The following OR7E24 variants were observed in gnomAD, a reference collection of about 807,000 sequenced individuals.
OR7E24 encodes the protein olfactory receptor 7E24.
For missense variants in OR7E24, 385 were observed against 410.3 expected, an observed-to-expected ratio of 0.94 and a Z score of 0.53; for synonymous variants, 130 against 157.5, an observed-to-expected ratio of 0.83 and a Z score of 1.31.
chr19:9,220,189 GAACACTTA>G, the OR7E24 span, among the ~76,000 whole-genome samples: 1 of 151,984 alleles, frequency 6.6e-6, no homozygotes, highest in Admixed American at 6.6e-5. Flanking sequence ...ATCCTGGTGA[GAACACTTA>G]ATATCCACTC....
chr19:9,246,060 C>CTT (rs58590446), upstream of OR7E24, among the ~76,000 whole-genome samples: 2 of 38,942 alleles, frequency 5.1e-5, no homozygotes, highest in African/African-American at 2.3e-4. Context: ...TATCAATGTG[C>CTT]TTTTTTTTTT....
At chr19:9,247,323 A>G (rs1287411340), upstream of OR7E24, 14 of 395,848 alleles carry the variant, frequency 3.5e-5, no homozygotes, top group East Asian at 4.3e-4. Context: ...TACTCAGCCT[A>G]TGCCTCCAGC....
At chr19:9,206,622 T>C in the OR7E24 span, 1 of 152,194 alleles carries the variant, frequency 6.6e-6, no homozygotes, top group African/African-American at 2.4e-5. Context: ...TCAAGTAAAA[T>C]TGTTTTGTTC....
the OR7E24 span, chr19:9,210,486 G>A: frequency 6.6e-6 from 1 of 152,332 alleles, no homozygotes; most frequent in Non-Finnish European, 1.5e-5. Flanking sequence ...TGGTGGCGCA[G>A]GAGGATTACT....
chr19:9,238,370 T>G, the OR7E24 span, among the ~76,000 whole-genome samples: 1 of 152,180 alleles, frequency 6.6e-6, no homozygotes, highest in South Asian at 2.1e-4. Context: ...TTGAGCATCT[T>G]TCCACATGCT....
the OR7E24 span, chr19:9,235,185 CT>C: frequency 7.0e-7 from 1 of 1,435,096 alleles, no homozygotes; most frequent in Non-Finnish European, 9.7e-7. Context: ...AATTCCTCCT[CT>C]TAGGACTCTC....
chr19:9,249,390 C>T (rs1170971988), upstream of OR7E24, among the ~76,000 whole-genome samples: 1 of 152,176 alleles, frequency 6.6e-6, no homozygotes, highest in Non-Finnish European at 1.5e-5. Flanking sequence ...TCACTGCTTT[C>T]CTATCTGTAC....
At chr19:9,229,567 GAAATT>G in the OR7E24 span, among the ~76,000 whole-genome samples, 1 of 151,672 alleles carries the variant, frequency 6.6e-6, no homozygotes, top group East Asian at 1.9e-4. Context: ...AAGAAAAAAA[GAAATT>G]AAACTTTCCT....
the OR7E24 span, among the ~76,000 whole-genome samples, chr19:9,220,878 C>T: frequency 8.5e-5 from 13 of 152,172 alleles, no homozygotes; most frequent in Admixed American, 4.6e-4. Flanking sequence ...CACTTACTAT[C>T]TTTTGTCTTT....
chr19:9,225,497 T>TA, the OR7E24 span, among the ~76,000 whole-genome samples: 6 of 147,586 alleles, frequency 4.1e-5, no homozygotes, highest in Admixed American at 6.8e-5. Context: ...AAGGAAGGAA[T>TA]AAAAAAACAA....
At chr19:9,241,715 G>C in the OR7E24 span, among the ~76,000 whole-genome samples, 2 of 152,206 alleles carry the variant, frequency 1.3e-5, no homozygotes, top group African/African-American at 4.8e-5. Context: ...AGTGAGCTGA[G>C]ATTGCGCCAT....
At chr19:9,214,381 A>C in the OR7E24 span, 1 of 1,614,174 alleles carries the variant, frequency 6.2e-7, no homozygotes, top group African/African-American at 1.3e-5. Context: ...GAGAACCAGA[A>C]AATGATGAAC....
chr19:9,218,957 A>AG, the OR7E24 span, among the ~76,000 whole-genome samples: 2 of 151,954 alleles, frequency 1.3e-5, no homozygotes, highest in Non-Finnish European at 2.9e-5. Context: ...TATGAGAAAA[A>AG]AAATTGGACT....
the OR7E24 span, among the ~76,000 whole-genome samples, chr19:9,241,501 C>T: frequency 6.6e-6 from 1 of 152,126 alleles, no homozygotes; most frequent in African/African-American, 2.4e-5. Context: ...CTTGGTGGCT[C>T]ATGCTTGTAA....
chr19:9,240,791 T>G, the OR7E24 span, among the ~76,000 whole-genome samples: 2 of 152,276 alleles, frequency 1.3e-5, no homozygotes, highest in Non-Finnish European at 2.9e-5. Context: ...TGATTTTAGC[T>G]ACATTATATT....
chr19:9,248,318 A>AC (rs1395662479), upstream of OR7E24, among the ~76,000 whole-genome samples: 1 of 151,938 alleles, frequency 6.6e-6, no homozygotes, highest in African/African-American at 2.4e-5. Flanking sequence ...ATTTTTCCTG[A>AC]GTTATAGCTG....
upstream of OR7E24, among the ~76,000 whole-genome samples, chr19:9,249,738 A>C (rs952345864): frequency 3.9e-5 from 6 of 152,148 alleles, no homozygotes; most frequent in Non-Finnish European, 8.8e-5. Context: ...AGATTACTTG[A>C]GGTCAGAAGT....
upstream of OR7E24, among the ~76,000 whole-genome samples, chr19:9,245,329 C>T (rs1269194409): frequency 6.6e-6 from 1 of 151,988 alleles, no homozygotes; most frequent in East Asian, 1.9e-4. Context: ...TCAATAGGGG[C>T]ATGCAAATAA....
At chr19:9,236,059 A>G in the OR7E24 span, 1 of 1,564,330 alleles carries the variant, frequency 6.4e-7, no homozygotes, top group Non-Finnish European at 8.8e-7. Flanking sequence ...GAGACTCCTT[A>G]GCAGGGCAGC....
Sources: allele counts gnomAD v4.1 joint callset (sites outside exome capture counted in the v4.1 genomes callset), GRCh38; gene constraint gnomAD v4.1.1; transcripts MANE v1.5; gene names NCBI Gene and HGNC (gene_info 2026-07-23, HGNC 2026-07-21).